The following SERINC5 variants were observed in gnomAD, a reference collection of about 807,000 sequenced individuals.
SERINC5 encodes the protein serine incorporator 5, also known as chromosome 5 open reading frame 12.
Under a neutral mutation model 63.1 loss-of-function variants are expected in SERINC5, and 41 were observed. The observed-to-expected ratio is 0.65, with a 90% CI of 0.51 to 0.84. The LOEUF (loss-of-function observed/expected upper bound fraction) is 0.84. Among genes scored for constraint, SERINC5 ranks in the 40% least tolerant of loss-of-function variants. SERINC5 has a pLI of 0.00. For synonymous variants in SERINC5, 222 were observed against 215.2 expected (o/e 1.03, Z -0.28); for missense variants, 523 against 573.0 (o/e 0.91, Z 0.89).
chr5:80,148,737 G>T (rs937167221), intron 9 of SERINC5, among the ~76,000 whole-genome samples: 1 of 151,932 alleles, frequency 6.6e-6, no homozygotes, highest in Non-Finnish European at 1.5e-5. Context: ...TACTAAGACA[G>T]CCTGGGAAGT....
intron 2 of SERINC5, among the ~76,000 whole-genome samples, chr5:80,179,919 C>T (rs1748310686): frequency 6.6e-6 from 1 of 152,220 alleles, no homozygotes; most frequent in African/African-American, 2.4e-5. Flanking sequence ...CATTTCCCAA[C>T]TTGGACATCT....
At chr5:80,173,681 C>G (rs974393575) in intron 5 of SERINC5, among the ~76,000 whole-genome samples, 1 of 152,228 alleles carries the variant, frequency 6.6e-6, no homozygotes, top group East Asian at 1.9e-4. Flanking sequence ...CCACCCACCT[C>G]CACCCAGAGC....
Position 80,143,521 on chromosome 5 carries a change from C to A in SERINC5, c.*142G>T. On this transcript the variant is annotated 3_prime_UTR_variant, in exon 12 of 12. Transcript: ENST00000507668. ...TGAATTTCAAAAGTAAAAAGCTAAT[C>A]AGGAGATTTTTTTTTTTCTCTCTCA... 1.5e-6 allele frequency: 2 copies of A among 1,370,338 alleles called. No individual in the cohort carries two copies. Among genetic ancestry groups the A allele is most frequent in the Non-Finnish European group, 1.9e-6 (2 of 1,064,850 alleles). 84.9% of individuals were successfully genotyped at this position (1,370,338 alleles called of 1,614,324 possible).
chr5:80,143,594 G>A lies in SERINC5; in HGVS notation c.*69C>T. On this transcript the variant is annotated 3_prime_UTR_variant, in exon 12 of 12. Transcript: ENST00000507668. ...GCACAGGGCGCCAGTCCCTGCCCCG[G>A]GGACACTGTTCAAAAGATGGCACTT... The A allele has an allele frequency of 6.6e-7, 1 of 1,504,944 alleles. No individual in the cohort carries two copies. The highest frequency in any genetic ancestry group is 8.9e-7 in the Non-Finnish European group (1 of 1,125,866). The allele number at this position is 1,504,944 out of a possible 1,614,324, so 93.2% of individuals were successfully genotyped here. A position where few individuals can be genotyped will look rare whatever the true frequency, so the allele number is the denominator to read the frequency against.
At chr5:80,162,027 G>T (rs1746964510) in intron 7 of SERINC5, among the ~76,000 whole-genome samples, 1 of 152,172 alleles carries the variant, frequency 6.6e-6, no homozygotes, top group South Asian at 2.1e-4. Flanking sequence ...CTATAAATAT[G>T]TGGCTTTACT....
chr5:80,238,788 CAAAAAAA>C (rs34850558), intron 1 of SERINC5, among the ~76,000 whole-genome samples: 1 of 99,034 alleles, frequency 1.0e-5, no homozygotes, highest in Non-Finnish European at 2.1e-5. Context: ...GACTTCATCT[CAAAAAAA>C]AAAAAAAAAA....
At chr5:80,214,490 A>C (rs996792508) in intron 1 of SERINC5, among the ~76,000 whole-genome samples, 15 of 152,188 alleles carry the variant, frequency 9.9e-5, no homozygotes, top group Non-Finnish European at 5.9e-5. Context: ...GAGTAAATCA[A>C]ACCTACTTCA....
In SERINC5 at chr5:80,143,663, TCA is replaced by T; in HGVS notation, c.1384_1385del (p.Ter462MetfsTer20). The T allele has an allele frequency of 6.5e-7, 1 of 1,535,588 alleles. No individual in the cohort carries two copies. Among genetic ancestry groups the T allele is most frequent in the Non-Finnish European group, 8.7e-7 (1 of 1,146,714 alleles). Reference protein sequence around the residue: ...LCCPTREFSV* With the variant: ...LCCPTREFSVX ...AAAGCCCAGGGGACCGCCGATATCATCACACAGAGAACTCCCGGGTGGGGCAG... is the reference window on the plus strand; with the variant it reads ...AAAGCCCAGGGGACCGCCGATATCATCACAGAGAACTCCCGGGTGGGGCAG... On this transcript the variant is annotated frameshift_variant and stop_lost, in exon 12 of 12. Transcript: ENST00000507668. LOFTEE classifies it high-confidence loss of function.
In SERINC5 at chr5:80,149,366, G is replaced by T. The variant is rs115051958; in HGVS notation, c.1053+1516C>A. Reference sequence around the variant, plus strand: ...AATTTTCTCCTTTAGGCAACAGAAAGAGTTGGTGAATGATGTTGGCAGATG... The same window carrying T: ...AATTTTCTCCTTTAGGCAACAGAAATAGTTGGTGAATGATGTTGGCAGATG... On this transcript the variant is annotated intron_variant, in intron 9 of 11. Coordinates refer to ENST00000507668, the MANE Select transcript of SERINC5 (RefSeq NM_001174072.3). 7.0e-3 allele frequency among the ~76,000 whole-genome samples: 760 copies of T among 108,734 alleles called. 5 individuals carry two copies. The highest frequency in any genetic ancestry group is 0.027 in the African/African-American group (736 of 27,604). 71.3% of individuals were successfully genotyped at this position (108,734 alleles called of 152,430 possible). A position where few individuals can be genotyped will look rare whatever the true frequency, so the allele number is the denominator to read the frequency against.
chr5:80,137,149 A>C (rs1464410778), downstream of SERINC5, among the ~76,000 whole-genome samples: 4 of 126,162 alleles, frequency 3.2e-5, no homozygotes, highest in Admixed American at 8.1e-5. Flanking sequence ...CAAAAAAAAA[A>C]AAAAAAAAAA....
intron 2 of SERINC5, among the ~76,000 whole-genome samples, chr5:80,192,968 A>G (rs763289512): frequency 8.5e-5 from 13 of 152,204 alleles, no homozygotes; most frequent in Non-Finnish European, 1.3e-4. Context: ...ACAGTCTAGC[A>G]TCACAGGCTC....
Position 80,164,937 on chromosome 5 carries a change from A to T in SERINC5, c.859+1446T>A, listed in dbSNP as rs543496504. Among the ~76,000 whole-genome samples the T allele has an allele frequency of 3.0e-3, 191 of 62,820 alleles. 1 individual carries two copies. In the Middle Eastern group the frequency reaches 0.042, roughly 14 times the overall value. The allele number at this position is 62,820 out of a possible 152,430, so 41.2% of individuals were successfully genotyped here. On this transcript the variant is annotated intron_variant, in intron 7 of 11. Coordinates refer to ENST00000507668, the MANE Select transcript of SERINC5 (RefSeq NM_001174072.3). Reference sequence around the variant, plus strand: ...TTTTTTTTTTTTTTTTTTTTTGTAGAGATGCTATGTTGCCAAGGCTGGTCT... The same window carrying T: ...TTTTTTTTTTTTTTTTTTTTTGTAGTGATGCTATGTTGCCAAGGCTGGTCT...
At chr5:80,166,659 A>G (rs75717295) in intron 6 of SERINC5, 181 bp from the exon 7 acceptor site, 70,910 of 492,596 alleles carry the variant, frequency 0.14, 5,895 homozygotes, top group South Asian at 0.26. Flanking sequence ...TAAGGGGGAG[A>G]GAGTTACACG....
chr5:80,188,919 C>A (rs1374444180), intron 2 of SERINC5, among the ~76,000 whole-genome samples: 1 of 152,098 alleles, frequency 6.6e-6, no homozygotes, highest in Non-Finnish European at 1.5e-5. Flanking sequence ...CACAGCAAAA[C>A]CCTGTCTCAG....
At chr5:80,175,249 C>T (rs546381562) in intron 4 of SERINC5, among the ~76,000 whole-genome samples, 1 of 152,168 alleles carries the variant, frequency 6.6e-6, no homozygotes, top group Non-Finnish European at 1.5e-5. Flanking sequence ...TTGACAACAT[C>T]TCAGTCAATA....
intron 2 of SERINC5, among the ~76,000 whole-genome samples, chr5:80,197,663 C>T (rs1184518351): frequency 2.0e-5 from 3 of 152,110 alleles, no homozygotes; most frequent in Admixed American, 1.3e-4. Context: ...TTTAGTGGCC[C>T]CTACTCCCTA....
chr5:80,211,448 T>G (rs1437375501), intron 1 of SERINC5, among the ~76,000 whole-genome samples: 2 of 152,188 alleles, frequency 1.3e-5, no homozygotes, highest in African/African-American at 4.8e-5. Flanking sequence ...CTGACAGGAT[T>G]AATGACTATG....
In SERINC5 at chr5:80,143,593, G is replaced by A. The variant is rs901677207; in HGVS notation, c.*70C>T. On this transcript the variant is annotated 3_prime_UTR_variant, in exon 12 of 12. Coordinates refer to ENST00000507668, the MANE Select transcript of SERINC5 (RefSeq NM_001174072.3). ...GGCACAGGGCGCCAGTCCCTGCCCC[G>A]GGGACACTGTTCAAAAGATGGCACT... 47 of 1,499,634 alleles carry A rather than the reference G, an allele frequency of 3.1e-5. No individual in the cohort carries two copies. Among genetic ancestry groups the A allele is most frequent in the Admixed American group, 3.1e-4 (15 of 48,956 alleles). 92.9% of individuals were successfully genotyped at this position (1,499,634 alleles called of 1,614,324 possible). A position where few individuals can be genotyped will look rare whatever the true frequency, so the allele number is the denominator to read the frequency against.
intron 2 of SERINC5, among the ~76,000 whole-genome samples, chr5:80,197,726 C>T (rs1231046903): frequency 6.6e-6 from 1 of 152,208 alleles, no homozygotes; most frequent in Non-Finnish European, 1.5e-5. Context: ...TGTGGCTTCC[C>T]AGGGTGCCTA....
Sources: gnomAD v4.1 joint callset for allele counts (sites outside exome capture counted in the v4.1 genomes callset) on GRCh38, gnomAD v4.1.1 for gene constraint, MANE v1.5 for transcripts, NCBI Gene and HGNC (gene_info 2026-07-23, HGNC 2026-07-21) for gene names.